Variants in CPT1B observed in about 807,000 individuals in gnomAD.
CPT1B encodes the protein carnitine palmitoyltransferase 1B.
Under a neutral mutation model 92.7 loss-of-function variants are expected in CPT1B, and 57 were observed. The ratio of observed to expected loss-of-function variants is 0.62; its 90% CI spans 0.50 to 0.77. CPT1B has a LOEUF of 0.77. Among genes scored for constraint, CPT1B ranks in the 30% least tolerant of loss-of-function variants. The pLI, the probability that CPT1B is intolerant of heterozygous loss-of-function variation, is 0.00. For missense variants in CPT1B, 983 were observed against 1,017.4 expected, an observed-to-expected ratio of 0.97 and a Z score of 0.46; for synonymous variants, 398 against 383.5, an observed-to-expected ratio of 1.04 and a Z score of -0.44.
Position 50,570,932 on chromosome 22 carries a change from C to T in CPT1B, c.1987G>A (p.Val663Ile). ...IDRHLFCLYL[V>I]SKYLGVSSPF... The stretch of plus-strand genomic sequence containing the variant: ...GAGCTGACTCCTAGGTACTTGGAGA[C>T]CAAGTAAAGGCAGAAGAGGTGCCTG... The change falls in exon 16 of 20, where the codon GTC becomes ATC. Residue 663 changes from valine to isoleucine, a missense_variant. Coordinates refer to ENST00000312108, the MANE Select transcript of CPT1B (RefSeq NM_152246.3). 5 of 1,613,842 alleles carry T rather than the reference C, an allele frequency of 3.1e-6. No homozygotes were observed. Among genetic ancestry groups the T allele is most frequent in the Non-Finnish European group, 4.2e-6 (5 of 1,180,018 alleles).
Position 50,569,237 on chromosome 22 carries a change from C to G in CPT1B, c.*2+99G>C, listed in dbSNP as rs557983319. The stretch of plus-strand genomic sequence containing the variant: ...CCTGCTGCCGGAGCTGTCCTTGGAG[C>G]CTGGGCACCTGTGCACGGCCACCCC... On this transcript the variant is annotated intron_variant, in intron 19 of 19. Coordinates refer to ENST00000312108, the MANE Select transcript of CPT1B (RefSeq NM_152246.3). 37 of 1,181,806 alleles carry G rather than the reference C, an allele frequency of 3.1e-5. 1 individual carries two copies. In the East Asian group the frequency reaches 7.1e-4, roughly 23 times the overall value. 73.2% of individuals were successfully genotyped at this position (1,181,806 alleles called of 1,614,324 possible).
At position 50,570,313 on chromosome 22, in the gene CPT1B, C is replaced by G; in HGVS notation, c.2122G>C (p.Ala708Pro). ...DPEQHPNHLG[A>P]GGGFGPVADD... ...CTCACAGGGCCAAAGCCACCTCCAGCGCCCAGGTGATTGGGGTGCTGCTCT... is the reference window on the plus strand; with the variant it reads ...CTCACAGGGCCAAAGCCACCTCCAGGGCCCAGGTGATTGGGGTGCTGCTCT... Residue 708 changes from alanine (A) to proline (P), a missense_variant, in exon 17 of 20, where the codon GCT (alanine) becomes CCT (proline). Coordinates refer to ENST00000312108, the MANE Select transcript of CPT1B (RefSeq NM_152246.3). The G allele has an allele frequency of 1.9e-6, 3 of 1,590,316 alleles. No homozygotes were observed. Among genetic ancestry groups the G allele is most frequent in the Non-Finnish European group, 2.6e-6 (3 of 1,165,394 alleles).
chr22:50,569,223 A>C lies in CPT1B; in HGVS notation c.*2+113T>G. Reference sequence around the variant, plus strand: ...CTGCCCAGCGAGGACCTGCTGCCGGAGCTGTCCTTGGAGCCTGGGCACCTG... The same window carrying C: ...CTGCCCAGCGAGGACCTGCTGCCGGCGCTGTCCTTGGAGCCTGGGCACCTG... On this transcript the variant is annotated intron_variant, in intron 19 of 19. Transcript: ENST00000312108. 5 of 983,620 alleles carry C rather than the reference A, an allele frequency of 5.1e-6. No homozygotes were observed. In the South Asian group the frequency reaches 7.7e-5, roughly 15 times the overall value. The allele number at this position is 983,620 out of a possible 1,614,324, so 60.9% of individuals were successfully genotyped here.
Position 50,572,874 on chromosome 22 carries a change from C to G in CPT1B, c.1352+1G>C. 1 of 1,600,616 alleles carries G rather than the reference C, an allele frequency of 6.2e-7. No individual in the cohort carries two copies. Among genetic ancestry groups the G allele is most frequent in the East Asian group, 2.3e-5 (1 of 44,390 alleles). On this transcript the variant is annotated splice_donor_variant, in intron 11 of 19. Transcript: ENST00000312108. LOFTEE classifies it high-confidence loss of function. The stretch of plus-strand genomic sequence containing the variant: ...AACCTGTGGGGCTGGGGCTGCCGTA[C>G]CTGTTGTAGCAGTTGCCATGTAGCA...
At chr22:50,576,703 C>T (rs2070455464) in intron 4 of CPT1B, 66 bp from the exon 5 acceptor site, 16 of 1,569,364 alleles carry the variant, frequency 1.0e-5, no homozygotes, top group Non-Finnish European at 1.2e-5. Context: ...ACCAGCAACT[C>T]CCTGAGACCC....
chr22:50,572,949 G>GT lies in CPT1B; in HGVS notation c.1277dup (p.Tyr426Ter). 6.2e-7 allele frequency: 1 copy of GT among 1,613,874 alleles called. No homozygotes were observed. The highest frequency in any genetic ancestry group is 2.2e-5 in the East Asian group (1 of 44,884). Residue 426 changes from tyrosine to a stop codon, truncating the protein, a stop_gained and frameshift_variant, in exon 11 of 20, where the codon TAC becomes TAAC. Coordinates refer to ENST00000312108, the MANE Select transcript of CPT1B (RefSeq NM_152246.3). LOFTEE classifies it high-confidence loss of function. ...TGGCCTCATCTTCGGGGTCATAGGA[G>GT]TAGGATTCCTCATCCAGGGCCACGA... ...AFFVALDEESYSYDPEDEASL... is the reference protein window; with the variant it reads ...AFFVALDEES
At chr22:50,570,532 C>G (rs2070114649) in intron 16 of CPT1B, 126 bp from the exon 17 acceptor site, 1 of 718,622 alleles carries the variant, frequency 1.4e-6, no homozygotes, top group Non-Finnish European at 2.3e-6. Context: ...CTGGCCACCA[C>G]CCCGTGGTCC....
Position 50,571,231 on chromosome 22 carries a change from C to T in CPT1B, c.1802G>A (p.Arg601Gln), listed in dbSNP as rs141885850. The T allele has an allele frequency of 2.7e-4, 432 of 1,614,064 alleles. No homozygotes were observed. The highest frequency in any genetic ancestry group is 2.5e-4 in the Non-Finnish European group (298 of 1,180,024). Residue 601 changes from arginine to glutamine, a missense_variant, in exon 15 of 20, where the codon CGG (arginine) becomes CAG (glutamine). Coordinates refer to ENST00000312108, the MANE Select transcript of CPT1B (RefSeq NM_152246.3). ...ASMTRMFREGRTETVRSCTSE... is the reference protein window; with the variant it reads ...ASMTRMFREGQTETVRSCTSE... ...GGTACAGGAACGCACAGTCTCAGTC[C>T]GTCCCTCCCGGAACATTCTGGTCAT... is the stretch of plus-strand genomic sequence containing the variant.
chr22:50,570,285 G>T lies in CPT1B; in HGVS notation c.2142+8C>A. On this transcript the variant is annotated splice_region_variant and intron_variant, in intron 17 of 19. Coordinates refer to ENST00000312108, the MANE Select transcript of CPT1B (RefSeq NM_152246.3). ...TGCTGCCCACCCACCCCCTTCAGGA[G>T]CACTCACAGGGCCAAAGCCACCTCC... The T allele has an allele frequency of 6.4e-7, 1 of 1,552,442 alleles. No homozygotes were observed.
In CPT1B at chr22:50,571,411, G is replaced by C; in HGVS notation, c.1704C>G (p.Ala568=). Reference sequence around the variant, plus strand: ...CCAGCTGCAGCGCGATCTGCACAAAGGCATCAGGGCTGGTCCGGCACTTCT... The same window carrying C: ...CCAGCTGCAGCGCGATCTGCACAAACGCATCAGGGCTGGTCCGGCACTTCT... ...LIKKCRTSPD[A]FVQIALQLAH... is the part of the protein sequence containing the mutation. Residue 568 remains alanine, a synonymous_variant, in exon 14 of 20, where the codon GCC becomes GCG. Transcript: ENST00000312108. The C allele has an allele frequency of 6.2e-7, 1 of 1,613,930 alleles. No homozygotes were observed. Among genetic ancestry groups the C allele is most frequent in the African/African-American group, 1.3e-5 (1 of 75,070 alleles).
In CPT1B at chr22:50,573,470, A is replaced by C; in HGVS notation, c.1166+50T>G. 1 of 1,508,324 alleles carries C rather than the reference A, an allele frequency of 6.6e-7. No individual in the cohort carries two copies. The highest frequency in any genetic ancestry group is 9.0e-7 in the Non-Finnish European group (1 of 1,115,056). 93.4% of individuals were successfully genotyped at this position (1,508,324 alleles called of 1,614,324 possible). A position where few individuals can be genotyped will look rare whatever the true frequency, so the allele number is the denominator to read the frequency against. ...CAGGCAGGGCCACGCTCCTCTCCTC[A>C]CGGAGCCCTGAACTCAGGGTGGGGA... On this transcript the variant is annotated intron_variant, in intron 10 of 19. Coordinates refer to ENST00000312108, the MANE Select transcript of CPT1B (RefSeq NM_152246.3). This position sits in a 1 kb window ranked among gnomAD's most constrained non-coding sequence, Gnocchi z 5.0.
chr22:50,576,538 G>A lies in CPT1B; in HGVS notation c.559C>T (p.Arg187Trp), dbSNP rs780401114. 10 of 1,600,588 alleles carry A rather than the reference G, an allele frequency of 6.2e-6. No individual in the cohort carries two copies. The highest frequency in any genetic ancestry group is 1.7e-5 in the Admixed American group (1 of 57,158). The change falls in exon 5 of 20, where the codon CGG becomes TGG. Residue 187 changes from arginine to tryptophan, a missense_variant and splice_region_variant. Arg to Trp is a moderately radical substitution (Grantham distance 101). Transcript: ENST00000312108. ...GGATGCCCAAGCGAGGCCCTCACCC[G>A]CTGAATTGTGGCTGACACCCTGGGC... Reference protein sequence around the residue: ...PVPRVSATIQRYLESVRPLLD... With the variant: ...PVPRVSATIQWYLESVRPLLD...
intron 11 of CPT1B, 78 bp from the exon 12 acceptor site, chr22:50,572,386 C>T (rs2070220907): frequency 4.8e-6 from 4 of 836,140 alleles, no homozygotes; most frequent in Non-Finnish European, 8.0e-6. Flanking sequence ...CAACCTTTAA[C>T]CCTAATTACT....
At position 50,571,440 on chromosome 22, in the gene CPT1B, T is replaced by C. The variant is rs754889760; in HGVS notation, c.1675A>G (p.Ile559Val). The stretch of plus-strand genomic sequence containing the variant: ...TCAGGGCTGGTCCGGCACTTCTTGA[T>C]GAGGCCTTTGCCAAAGGGCAGGAAC... Reference protein sequence around the residue: ...FQFLPFGKGLIKKCRTSPDAF... With the variant: ...FQFLPFGKGLVKKCRTSPDAF... Residue 559 changes from isoleucine to valine, a missense_variant, in exon 14 of 20, where the codon ATC becomes GTC. Transcript: ENST00000312108. The C allele has an allele frequency of 6.2e-7, 1 of 1,613,862 alleles. No homozygotes were observed. Among genetic ancestry groups the C allele is most frequent in the East Asian group, 2.2e-5 (1 of 44,884 alleles).
chr22:50,573,218 G>A lies in CPT1B; in HGVS notation c.1167-158C>T. 1 of 671,532 alleles carries A rather than the reference G, an allele frequency of 1.5e-6. No homozygotes were observed. Among genetic ancestry groups the A allele is most frequent in the East Asian group, 2.7e-5 (1 of 36,654 alleles). 41.6% of individuals were successfully genotyped at this position (671,532 alleles called of 1,614,324 possible). On this transcript the variant is annotated intron_variant, in intron 10 of 19. Transcript: ENST00000312108. The surrounding 1 kb of genome is among the most constrained non-coding windows in gnomAD (Gnocchi z 5.0). ...TGGAGATGTGGGGGTGCCAGGCTGG[G>A]CCTGGAGGTGTTGGGGTGCGTGCCA...
At position 50,571,458 on chromosome 22, in the gene CPT1B, G is replaced by T; in HGVS notation, c.1657C>A (p.Pro553Thr). ...DVELYCFQFLPFGKGLIKKCR... is the reference protein window; with the variant it reads ...DVELYCFQFLTFGKGLIKKCR... The stretch of plus-strand genomic sequence containing the variant: ...TTCTTGATGAGGCCTTTGCCAAAGG[G>T]CAGGAACTGGAAGCAGTACAACTCC... Residue 553 changes from proline to threonine, a missense_variant, in exon 14 of 20, where the codon CCC becomes ACC. By Grantham distance (38) the Pro-to-Thr change is conservative. Transcript: ENST00000312108. 1 of 1,613,818 alleles carries T rather than the reference G, an allele frequency of 6.2e-7. No homozygotes were observed. Among genetic ancestry groups the T allele is most frequent in the Non-Finnish European group, 8.5e-7 (1 of 1,180,048 alleles).
In CPT1B at chr22:50,573,436, C is replaced by T; in HGVS notation, c.1166+84G>A. ...CTAGTTGTGCCTCCAGCCTCCAGTT[C>T]CAGGGTGGCAGGCAGGGCCACGCTC... On this transcript the variant is annotated intron_variant, in intron 10 of 19. Coordinates refer to ENST00000312108, the MANE Select transcript of CPT1B (RefSeq NM_152246.3). This position sits in a 1 kb window ranked among gnomAD's most constrained non-coding sequence, Gnocchi z 5.0. 1 of 1,263,958 alleles carries T rather than the reference C, an allele frequency of 7.9e-7. No homozygotes were observed. Among genetic ancestry groups the T allele is most frequent in the Non-Finnish European group, 1.1e-6 (1 of 913,038 alleles). 78.3% of individuals were successfully genotyped at this position (1,263,958 alleles called of 1,614,324 possible).
At chr22:50,577,127 C>G in intron 3 of CPT1B, 93 bp from the exon 4 acceptor site, 1 of 1,467,618 alleles carries the variant, frequency 6.8e-7, no homozygotes, top group South Asian at 1.2e-5. Context: ...AGGGGAAGAA[C>G]CTCCCTGGGC....
At chr22:50,576,752 C>T (rs564837892) in intron 4 of CPT1B, 105 bp downstream of exon 4, 2 of 1,546,424 alleles carry the variant, frequency 1.3e-6, no homozygotes, top group East Asian at 4.5e-5. Context: ...AACCACACAC[C>T]AGGCACCAGT....
Sources: allele counts gnomAD v4.1 joint callset, GRCh38; gene constraint gnomAD v4.1.1; non-coding constraint Gnocchi (gnomAD v3.1); transcripts MANE v1.5; gene names NCBI Gene and HGNC (gene_info 2026-07-23, HGNC 2026-07-21).